Variants in ZMIZ1 observed in about 807,000 individuals in gnomAD.
ZMIZ1 encodes zinc finger MIZ domain-containing protein 1.
A neutral mutation model predicts 113.9 loss-of-function variants in ZMIZ1; 17 were observed. The observed-to-expected ratio is 0.15, with a 90% CI of 0.10 to 0.22. ZMIZ1 has a LOEUF of 0.22. Among genes scored for constraint, ZMIZ1 ranks in the 10% least tolerant of loss-of-function variants. The pLI is 1.00. For synonymous variants in ZMIZ1, 607 were observed against 603.1 expected, an observed-to-expected ratio of 1.01 and a Z score of -0.09; for missense variants, 1,059 against 1,477.8, an observed-to-expected ratio of 0.72 and a Z score of 4.65.
chr10:79,189,320 G>A (rs563338930), intron 4 of ZMIZ1, among the ~76,000 whole-genome samples: 14 of 152,276 alleles, frequency 9.2e-5, no homozygotes, highest in African/African-American at 3.4e-4. Flanking sequence ...GTAGAGTGGT[G>A]GTGTTTAACT....
intron 4 of ZMIZ1, among the ~76,000 whole-genome samples, chr10:79,195,012 G>C (rs1589406462): frequency 6.6e-6 from 1 of 152,220 alleles, no homozygotes; most frequent in East Asian, 1.9e-4. Flanking sequence ...GAAGCACAGA[G>C]CTGTGAAAGG....
intron 1 of ZMIZ1, among the ~76,000 whole-genome samples, chr10:79,116,995 A>T (rs1343330231): frequency 2.0e-5 from 3 of 152,250 alleles, no homozygotes; most frequent in Non-Finnish European, 4.4e-5. Flanking sequence ...GCTTGGGCTC[A>T]TGTGACTCCA....
intron 4 of ZMIZ1, 61 bp from the exon 5 acceptor site, chr10:79,201,523 G>A (rs1848079175): frequency 7.9e-6 from 10 of 1,271,316 alleles, no homozygotes; most frequent in Non-Finnish European, 1.1e-5. Flanking sequence ...GCAGTTGGGA[G>A]GCTGCTCAAG....
chr10:79,293,254 C>T lies in ZMIZ1; in HGVS notation c.958-127C>T, dbSNP rs184962897. 282 of 1,352,928 alleles carry T rather than the reference C, an allele frequency of 2.1e-4. 2 individuals are homozygous for T. In the East Asian group the frequency reaches 5.3e-3, roughly 26 times the overall value. The allele number at this position is 1,352,928 out of a possible 1,614,324, so 83.8% of individuals were successfully genotyped here. On this transcript the variant is annotated intron_variant, in intron 11 of 24. Coordinates refer to ENST00000334512, the MANE Select transcript of ZMIZ1 (RefSeq NM_020338.4). ...GGCCTGGTTGGTCACCAGTCACTGC[C>T]GCACAGGACAGTGCCCCCTCCCCAC...
Position 79,208,350 on chromosome 10 carries a change from T to G in ZMIZ1, c.75T>G (p.Pro25=), listed in dbSNP as rs1848414242. ...CTTTCCCACAGCACTTACAGAATCC[T>G]GCCAACTTCCACAATGCCGCCACGG... is the stretch of plus-strand genomic sequence containing the variant. ...LQCIKQHLQN[P]ANFHNAATEL... The change falls in exon 6 of 25, where the codon CCT becomes CCG. Residue 25 remains proline (P), a synonymous_variant. Transcript: ENST00000334512. 1 of 1,614,016 alleles carries G rather than the reference T, an allele frequency of 6.2e-7. No homozygotes were observed. The highest frequency in any genetic ancestry group is 1.7e-5 in the Admixed American group (1 of 60,000).
chr10:79,288,909 C>G (rs570055933), intron 8 of ZMIZ1, among the ~76,000 whole-genome samples: 1 of 152,274 alleles, frequency 6.6e-6, no homozygotes. Context: ...GTGGTGGGTA[C>G]TGCTGGACCT....
chr10:79,310,331 G>A (rs922086748), intron 23 of ZMIZ1, among the ~76,000 whole-genome samples: 1 of 152,158 alleles, frequency 6.6e-6, no homozygotes, highest in Non-Finnish European at 1.5e-5. Flanking sequence ...TTCCACCCGC[G>A]CTGCAGGGCT....
Position 79,070,149 on chromosome 10 carries a change from G to T in ZMIZ1, c.-337+879G>T, listed in dbSNP as rs185182283. ...GGGCCGGGGCTGGAGCCGGGGTCGG[G>T]GGGGGGAGGCGGGTTCTGGAAGCTT... On this transcript the variant is annotated intron_variant, in intron 1 of 24. Coordinates refer to ENST00000334512, the MANE Select transcript of ZMIZ1 (RefSeq NM_020338.4). Among the ~76,000 whole-genome samples, 532 of 151,756 alleles carry T rather than the reference G, an allele frequency of 3.5e-3. 6 individuals are homozygous for T. Among genetic ancestry groups the T allele is most frequent in the East Asian group, 0.017 (89 of 5,126 alleles).
At chr10:79,209,818 G>T (rs1278454174) in intron 6 of ZMIZ1, among the ~76,000 whole-genome samples, 5 of 152,222 alleles carry the variant, frequency 3.3e-5, no homozygotes, top group Admixed American at 6.5e-5. Context: ...CTTCCCAAGG[G>T]CGCACAGCCT....
In ZMIZ1 at chr10:79,198,328, A is replaced by G. The variant is rs919961787; in HGVS notation, c.-49-3256A>G. ...ACAGATGAGCAAGTGGAGACTAAAGATGTTTGAGTGGATGAGTAGACAGGT... is the reference window on the plus strand; with the variant it reads ...ACAGATGAGCAAGTGGAGACTAAAGGTGTTTGAGTGGATGAGTAGACAGGT... On this transcript the variant is annotated intron_variant, in intron 4 of 24. Transcript: ENST00000334512. Among the ~76,000 whole-genome samples the G allele has an allele frequency of 7.2e-5, 11 of 152,306 alleles. 1 individual carries two copies. Among genetic ancestry groups the G allele is most frequent in the Non-Finnish European group, 1.5e-4 (10 of 68,030 alleles).
intron 1 of ZMIZ1, among the ~76,000 whole-genome samples, chr10:79,102,790 C>G (rs1375437689): frequency 1.3e-5 from 2 of 152,208 alleles, no homozygotes; most frequent in African/African-American, 4.8e-5. Context: ...GGGATCATTC[C>G]CAACCTGGCT....
At chr10:79,299,657 C>T (rs1455311697) in intron 16 of ZMIZ1, among the ~76,000 whole-genome samples, 1 of 152,256 alleles carries the variant, frequency 6.6e-6, no homozygotes, top group African/African-American at 2.4e-5. Context: ...CACTTAGGCA[C>T]GTGCTGGAAC....
At chr10:79,307,972 C>T (rs1049971090) in intron 23 of ZMIZ1, among the ~76,000 whole-genome samples, 6 of 152,212 alleles carry the variant, frequency 3.9e-5, no homozygotes, top group African/African-American at 7.2e-5. Flanking sequence ...ACTTATTCTC[C>T]AAGGATCTGA....
intron 1 of ZMIZ1, among the ~76,000 whole-genome samples, chr10:79,076,377 T>A (rs1319053977): frequency 6.6e-6 from 1 of 152,106 alleles, no homozygotes; most frequent in Non-Finnish European, 1.5e-5. Context: ...TGGGGTTCAC[T>A]TCTGAGTGCT....
intron 23 of ZMIZ1, among the ~76,000 whole-genome samples, chr10:79,309,842 G>A (rs757420199): frequency 5.9e-5 from 9 of 152,206 alleles, no homozygotes; most frequent in Non-Finnish European, 7.3e-5. Flanking sequence ...CTGTTCCAGT[G>A]GAGCACCTGG....
In ZMIZ1 at chr10:79,194,571, G is replaced by A. The variant is rs73302124; in HGVS notation, c.-49-7013G>A. On this transcript the variant is annotated intron_variant, in intron 4 of 24. Coordinates refer to ENST00000334512, the MANE Select transcript of ZMIZ1 (RefSeq NM_020338.4). ...TTTGCCTCCCCCAGCCGTTGAGACC[G>A]TTGAGATGCTTCTCTCCTTGCTGAC... Among the ~76,000 whole-genome samples the A allele has an allele frequency of 1.4e-3, 220 of 152,310 alleles. 1 individual carries two copies. Among genetic ancestry groups the A allele is most frequent in the African/African-American group, 5.1e-3 (211 of 41,576 alleles).
rs781574512 is a variant in ZMIZ1, at chr10:79,300,849, C to T, written c.1926C>T (p.Gly642=). ...VNATPLTIER[G]DNKTSHKPLH... ...CCACGCCCCTCACCATTGAGCGCGG[C>T]GACAACAAGACCTCCCACAAGCCCC... The change falls in exon 17 of 25, where the codon GGC becomes GGT. Residue 642 remains glycine (G), a synonymous_variant. Coordinates refer to ENST00000334512, the MANE Select transcript of ZMIZ1 (RefSeq NM_020338.4). 8.1e-6 allele frequency: 13 copies of T among 1,613,474 alleles called. No homozygotes were observed. The highest frequency in any genetic ancestry group is 2.2e-5 in the East Asian group (1 of 44,872).
At position 79,069,476 on chromosome 10, in the gene ZMIZ1, CGGCTGCGCGGAGCCGGCTTG is replaced by C. The variant is rs1235086522; in HGVS notation, c.-337+216_-337+235del. On this transcript the variant is annotated intron_variant, in intron 1 of 24. Coordinates refer to ENST00000334512, the MANE Select transcript of ZMIZ1 (RefSeq NM_020338.4). This position sits in a 1 kb window ranked among gnomAD's most constrained non-coding sequence, Gnocchi z 4.6. ...CGAGGCCCGGCGGCCGGCGAGCTCC[CGGCTGCGCGGAGCCGGCTTG>C]GGCTGCGCGTGGGGGCCGGGTTTGT... Among the ~76,000 whole-genome samples the C allele has an allele frequency of 2.6e-5, 4 of 151,456 alleles. No homozygotes were observed. The highest frequency in any genetic ancestry group is 4.1e-4 in the South Asian group (2 of 4,832).
intron 18 of ZMIZ1, among the ~76,000 whole-genome samples, chr10:79,302,861 GTTT>G (rs34181232): frequency 1.7e-5 from 2 of 116,046 alleles, no homozygotes; most frequent in Admixed American, 8.6e-5. Context: ...GCCCAGCTAA[GTTT>G]TTTTTTTTTT....
Sources: allele counts gnomAD v4.1 joint callset (sites outside exome capture counted in the v4.1 genomes callset), GRCh38; gene constraint gnomAD v4.1.1; non-coding constraint Gnocchi (gnomAD v3.1); transcripts MANE v1.5; gene names NCBI Gene and HGNC (gene_info 2026-07-23, HGNC 2026-07-21).